SEC11A: variants seen among roughly 807,000 people sequenced by gnomAD.
SEC11A encodes signal peptidase complex catalytic subunit SEC11A.
Under a neutral mutation model 25.6 loss-of-function variants are expected in SEC11A, and 14 were observed. The observed-to-expected ratio is 0.55, with a 90% CI of 0.36 to 0.85. SEC11A has a LOEUF of 0.85. Among genes scored for constraint, SEC11A ranks in the 40% least tolerant of loss-of-function variants. The probability of loss-of-function intolerance (pLI) is 0.01; values close to 1 mark genes in which losing one functional copy is unlikely to be tolerated. For synonymous variants in SEC11A, 83 were observed against 76.4 expected (o/e 1.09, Z -0.45); for missense variants, 153 against 222.9 (o/e 0.69, Z 2.00).
At chr15:84,700,562 C>A (rs1439780156) in intron 1 of SEC11A, among the ~76,000 whole-genome samples, 2 of 112,482 alleles carry the variant, frequency 1.8e-5, no homozygotes, top group Non-Finnish European at 3.3e-5. Context: ...CCACTGCATT[C>A]GAGCCTGGGT....
chr15:84,684,887 G>A (rs183974510), intron 3 of SEC11A, among the ~76,000 whole-genome samples: 4 of 152,094 alleles, frequency 2.6e-5, no homozygotes, highest in African/African-American at 4.8e-5. Context: ...AGCCAAACTC[G>A]CACCATGAAC....
Position 84,716,053 on chromosome 15 carries a change from T to G in SEC11A, c.23A>C (p.Asp8Ala). The G allele has an allele frequency of 6.2e-7, 1 of 1,613,732 alleles. No homozygotes were observed. Among genetic ancestry groups the G allele is most frequent in the Non-Finnish European group, 8.5e-7 (1 of 1,179,814 alleles). Residue 8 changes from aspartate (D) to alanine (A), a missense_variant, in exon 1 of 6, where the codon GAC becomes GCC. Transcript: ENST00000268220. ...CCGCTTGTTCATCCGCCGCACATCGTCCAAAAAGTCTAGAGACAGCATGGC... is the reference window on the plus strand; with the variant it reads ...CCGCTTGTTCATCCGCCGCACATCGGCCAAAAAGTCTAGAGACAGCATGGC... MLSLDFL[D>A]DVRRMNKRQL...
In SEC11A at chr15:84,698,262, G is replaced by C. The variant is rs1005060669; in HGVS notation, c.52-6618C>G. 2.6e-5 allele frequency among the ~76,000 whole-genome samples: 4 copies of C among 152,098 alleles called. No homozygotes were observed. In the South Asian group the frequency reaches 8.3e-4, roughly 31 times the overall value. ...ATACACCATTGTGCTTCCTATTCTTGTAAGAGATATTTGAAGTTCAACATA... is the reference window on the plus strand; with the variant it reads ...ATACACCATTGTGCTTCCTATTCTTCTAAGAGATATTTGAAGTTCAACATA... On this transcript the variant is annotated intron_variant, in intron 1 of 5. Transcript: ENST00000268220.
Position 84,670,444 on chromosome 15 carries a change from G to C in SEC11A, c.489+281C>G, listed in dbSNP as rs780153159. The C allele has an allele frequency of 1.2e-4, 34 of 274,670 alleles. No homozygotes were observed. In the East Asian group the frequency reaches 2.9e-3, roughly 24 times the overall value. The allele number at this position is 274,670 out of a possible 1,614,324, so 17.0% of individuals were successfully genotyped here. A position where few individuals can be genotyped will look rare whatever the true frequency, so the allele number is the denominator to read the frequency against. ...AGTAAAGACAGGGTTTTGTCATATT[G>C]ACCAGGCTGTTCTCGAACTCCTGAC... On this transcript the variant is annotated intron_variant, in intron 5 of 5. Coordinates refer to ENST00000268220, the MANE Select transcript of SEC11A (RefSeq NM_014300.4).
intron 1 of SEC11A, among the ~76,000 whole-genome samples, chr15:84,701,884 T>C (rs941407019): frequency 1.3e-5 from 2 of 151,216 alleles, no homozygotes; most frequent in East Asian, 4.0e-4. Flanking sequence ...CTGGCCAACA[T>C]GGTGAAACCC....
At chr15:84,703,633 C>T (rs1340098560) in intron 1 of SEC11A, among the ~76,000 whole-genome samples, 1 of 152,100 alleles carries the variant, frequency 6.6e-6, no homozygotes, top group African/African-American at 2.4e-5. Context: ...CAGCTTCAAG[C>T]GATACAGCAG....
chr15:84,683,638 C>A (rs1016495700), intron 3 of SEC11A, among the ~76,000 whole-genome samples: 4 of 151,926 alleles, frequency 2.6e-5, no homozygotes, highest in East Asian at 3.9e-4. Flanking sequence ...CTCACTGCAA[C>A]CTCAGCCTCC....
intron 3 of SEC11A, among the ~76,000 whole-genome samples, chr15:84,681,964 A>G (rs1229050777): frequency 1.3e-5 from 2 of 152,056 alleles, no homozygotes; most frequent in Non-Finnish European, 2.9e-5. Context: ...CAGCTGAGTT[A>G]AGAGGATCAC....
At chr15:84,690,267 C>T (rs1435901033) in intron 2 of SEC11A, among the ~76,000 whole-genome samples, 5 of 152,098 alleles carry the variant, frequency 3.3e-5, no homozygotes, top group East Asian at 1.9e-4. Context: ...GGGGAGTTCC[C>T]CTGCAAAAGC....
intron 4 of SEC11A, chr15:84,671,451 C>T (rs1224985847): frequency 1.3e-5 from 2 of 152,198 alleles, no homozygotes; most frequent in African/African-American, 4.8e-5. Context: ...TTTGTTTCTT[C>T]ACCTAACTCT....
intron 1 of SEC11A, among the ~76,000 whole-genome samples, chr15:84,708,565 A>C (rs957970573): frequency 9.2e-5 from 14 of 152,148 alleles, no homozygotes; most frequent in African/African-American, 3.1e-4. Flanking sequence ...AAAAAGTATC[A>C]AAGATACCTA....
intron 1 of SEC11A, 88 bp from the exon 2 acceptor site, chr15:84,691,732 G>T: frequency 1.4e-6 from 1 of 726,386 alleles, no homozygotes; most frequent in Non-Finnish European, 2.4e-6. Flanking sequence ...AAAGTTTCAA[G>T]CAGTACTATT....
chr15:84,713,808 G>A (rs142425261), intron 1 of SEC11A, among the ~76,000 whole-genome samples: 3,200 of 152,208 alleles, frequency 0.021, 49 homozygotes, highest in Non-Finnish European at 0.028. Flanking sequence ...TTATTGGAAT[G>A]CTAACCAACC....
At chr15:84,707,810 T>C (rs1898141712) in intron 1 of SEC11A, among the ~76,000 whole-genome samples, 1 of 152,104 alleles carries the variant, frequency 6.6e-6, no homozygotes, top group Non-Finnish European at 1.5e-5. Flanking sequence ...ATAACAGATG[T>C]AAAATATCAA....
At chr15:84,670,125 C>G in intron 5 of SEC11A, 56 bp from the exon 6 acceptor site, 1 of 1,554,280 alleles carries the variant, frequency 6.4e-7, no homozygotes, top group South Asian at 1.2e-5. Flanking sequence ...TTCAGAGGTT[C>G]TAAGAGTTAA....
intron 1 of SEC11A, 48 bp from the exon 2 acceptor site, chr15:84,691,692 C>T (rs549564622): frequency 9.4e-6 from 10 of 1,061,406 alleles, no homozygotes; most frequent in Non-Finnish European, 1.5e-5. Context: ...ATCCCCACTT[C>T]GGAAAGCAAC....
intron 1 of SEC11A, among the ~76,000 whole-genome samples, chr15:84,705,475 T>C (rs768467925): frequency 7.2e-5 from 11 of 152,114 alleles, no homozygotes; most frequent in Non-Finnish European, 1.5e-4. Flanking sequence ...GTTTTTTCTA[T>C]AGCTAGGATT....
At chr15:84,711,588 C>T (rs528588285) in intron 1 of SEC11A, among the ~76,000 whole-genome samples, 4 of 151,786 alleles carry the variant, frequency 2.6e-5, no homozygotes, top group Non-Finnish European at 5.9e-5. Flanking sequence ...CAGCCTGAGG[C>T]GATCAGATCA....
chr15:84,671,009 T>C, intron 4 of SEC11A: 1 of 351,036 alleles, frequency 2.8e-6, no homozygotes, highest in South Asian at 5.0e-5. Flanking sequence ...AGGTACATGG[T>C]TTCTGTGTGG....
Sources: gnomAD v4.1 joint callset for allele counts (sites outside exome capture counted in the v4.1 genomes callset) on GRCh38, gnomAD v4.1.1 for gene constraint, MANE v1.5 for transcripts, NCBI Gene and HGNC (gene_info 2026-07-23, HGNC 2026-07-21) for gene names.